The following OTOA variants were observed in gnomAD, a reference collection of about 807,000 sequenced individuals.
The protein encoded by OTOA is cancer/testis antigen 108.
A neutral mutation model predicts 110.8 loss-of-function variants in OTOA; 70 were observed. That is an observed-to-expected ratio of 0.63 (90% CI 0.52 to 0.77). OTOA has a LOEUF of 0.77. Ranked by LOEUF, OTOA falls within the 30% of genes least tolerant of loss-of-function variation. The probability of loss-of-function intolerance (pLI) is 0.00; values close to 1 mark genes in which losing one functional copy is unlikely to be tolerated. For missense variants in OTOA, 917 were observed against 1,075.8 expected (o/e 0.85, Z 2.06); for synonymous variants, 373 against 431.5 (o/e 0.86, Z 1.68).
At position 21,715,044 on chromosome 16, in the gene OTOA, G is replaced by A. The variant is rs1284368198; in HGVS notation, c.1380G>A (p.Gln460=). 1 of 1,614,208 alleles carries A rather than the reference G, an allele frequency of 6.2e-7. No individual in the cohort carries two copies. The highest frequency in any genetic ancestry group is 8.5e-7 in the Non-Finnish European group (1 of 1,180,026). Reference sequence around the variant, plus strand: ...CACTGCTGGCTGGGGTCAGCACCCAGGCCTTCTGCAGCATGAAACGCAAGG... The same window carrying A: ...CACTGCTGGCTGGGGTCAGCACCCAAGCCTTCTGCAGCATGAAACGCAAGG... ...MGALLAGVST[Q]AFCSMKRKDI... Residue 460 remains glutamine (Q), a synonymous_variant, in exon 14 of 29, where the codon CAG becomes CAA. Transcript: ENST00000646100.
Position 21,705,014 on chromosome 16 carries a change from T to G in OTOA, c.981-155T>G, listed in dbSNP as rs550685532. On this transcript the variant is annotated intron_variant, in intron 11 of 28. Transcript: ENST00000646100. ...GTTAGGTTCCGCCTGTGGTTGCACA[T>G]TTGGTTCATCTGAGGATGTTCAGGT... is the stretch of plus-strand genomic sequence containing the variant. The G allele has an allele frequency of 3.2e-6, 4 of 1,230,794 alleles. No homozygotes were observed. In the South Asian group the frequency reaches 4.8e-5, roughly 15 times the overall value. The allele number at this position is 1,230,794 out of a possible 1,614,324, so 76.2% of individuals were successfully genotyped here.
In OTOA at chr16:21,728,261, G is replaced by C. The variant is rs774967818; in HGVS notation, c.2037G>C (p.Glu679Asp). 1 of 1,614,174 alleles carries C rather than the reference G, an allele frequency of 6.2e-7. No individual in the cohort carries two copies. Among genetic ancestry groups the C allele is most frequent in the South Asian group, 1.1e-5 (1 of 91,084 alleles). ...QQCLDDSIADEYTVDIMGNLL... is the reference protein window; with the variant it reads ...QQCLDDSIADDYTVDIMGNLL... ...TTCAGGACGACTCCATTGCTGATGA[G>C]TACACTGTGGACATCATGGGGAACC... Residue 679 changes from glutamate to aspartate, a missense_variant, in exon 20 of 29, where the codon GAG (glutamate) becomes GAC (aspartate). Coordinates refer to ENST00000646100, the MANE Select transcript of OTOA (RefSeq NM_144672.4).
intron 1 of OTOA, among the ~76,000 whole-genome samples, chr16:21,671,995 A>G (rs1966849856): frequency 6.6e-6 from 1 of 152,056 alleles, no homozygotes; most frequent in South Asian, 2.1e-4. Context: ...TCACTCCAAG[A>G]AGTTCCCTTG....
intron 10 of OTOA, among the ~76,000 whole-genome samples, chr16:21,698,535 T>TTTC (rs760427431): frequency 5.5e-4 from 84 of 152,080 alleles, no homozygotes; most frequent in East Asian, 7.7e-4. Flanking sequence ...GCTTCCAATT[T>TTTC]TTCTTCTTCT....
chr16:21,723,234 G>A (rs904769370), intron 18 of OTOA, among the ~76,000 whole-genome samples: 2 of 152,158 alleles, frequency 1.3e-5, no homozygotes, highest in Admixed American at 1.3e-4. Context: ...GTGTCAGTGA[G>A]GCAGGTCCCA....
At chr16:21,674,415 C>T (rs1966853358) in intron 1 of OTOA, among the ~76,000 whole-genome samples, 1 of 151,612 alleles carries the variant, frequency 6.6e-6, no homozygotes, top group Admixed American at 6.6e-5. Context: ...GTCACTGCAA[C>T]CTCCGCCTCC....
chr16:21,738,364 C>T (rs1216312467), intron 22 of OTOA, among the ~76,000 whole-genome samples: 3 of 116,050 alleles, frequency 2.6e-5, no homozygotes, highest in Admixed American at 1.0e-4. Flanking sequence ...GTGGAGGCAT[C>T]GTGTGACATC....
At chr16:21,721,309 C>T (rs1377638624) in intron 17 of OTOA, 2 of 454,548 alleles carry the variant, frequency 4.4e-6, no homozygotes, top group East Asian at 1.4e-4. Flanking sequence ...GTAAAATTTC[C>T]CCAAATTTTC....
intron 11 of OTOA, among the ~76,000 whole-genome samples, chr16:21,703,220 A>G (rs138990363): frequency 6.6e-6 from 1 of 152,186 alleles, no homozygotes; most frequent in East Asian, 1.9e-4. Flanking sequence ...CTATTTTCCT[A>G]TTTAACTGAA....
chr16:21,675,725 T>C (rs897469770), intron 1 of OTOA, among the ~76,000 whole-genome samples: 1 of 152,182 alleles, frequency 6.6e-6, no homozygotes, highest in Non-Finnish European at 1.5e-5. Context: ...GGGGTTTTTT[T>C]CGCACCTACC....
chr16:21,680,926 T>A (rs567937888), intron 5 of OTOA, among the ~76,000 whole-genome samples: 2 of 152,094 alleles, frequency 1.3e-5, no homozygotes, highest in Non-Finnish European at 2.9e-5. Context: ...CTTACGCAAT[T>A]TTCATGTGTG....
intron 22 of OTOA, among the ~76,000 whole-genome samples, chr16:21,737,886 A>G (rs1899381989): frequency 6.6e-6 from 1 of 152,312 alleles, no homozygotes; most frequent in South Asian, 2.1e-4. Flanking sequence ...GCATGAGGAG[A>G]CAAAGTTAAT....
At chr16:21,714,369 C>CTCTT (rs1898469108) in intron 13 of OTOA, among the ~76,000 whole-genome samples, 1 of 117,106 alleles carries the variant, frequency 8.5e-6, no homozygotes, top group African/African-American at 3.0e-5. Context: ...CTCTTTCTTT[C>CTCTT]TCTCTCTTTC....
At chr16:21,705,367 C>T (rs1184494646) in intron 12 of OTOA, 75 bp downstream of exon 12, 2 of 1,608,846 alleles carry the variant, frequency 1.2e-6, no homozygotes, top group African/African-American at 2.7e-5. Context: ...AACAGCCTAG[C>T]TTAGCCTTTG....
At chr16:21,732,158 G>T (rs1177495829) in intron 21 of OTOA, among the ~76,000 whole-genome samples, 1 of 152,030 alleles carries the variant, frequency 6.6e-6, no homozygotes, top group Non-Finnish European at 1.5e-5. Context: ...TAGATATGGG[G>T]CTTCACCATG....
intron 6 of OTOA, among the ~76,000 whole-genome samples, chr16:21,683,647 G>A (rs62044224): frequency 4.6e-5 from 7 of 151,906 alleles, no homozygotes; most frequent in Non-Finnish European, 7.4e-5. Flanking sequence ...TTGAGGTTAC[G>A]GTGAGCTATG....
In OTOA at chr16:21,697,779, C is replaced by G; in HGVS notation, c.744C>G (p.Asp248Glu). 6.2e-7 allele frequency: 1 copy of G among 1,613,910 alleles called. No homozygotes were observed. The highest frequency in any genetic ancestry group is 1.1e-5 in the South Asian group (1 of 91,070). The change falls in exon 10 of 29, where the codon GAC becomes GAG. Residue 248 changes from aspartate to glutamate, a missense_variant. By Grantham distance (45) the Asp-to-Glu change is conservative. This residue lies in a region of OTOA where 840 missense variants were observed against 910.2 expected (regional missense o/e 0.92). Coordinates refer to ENST00000646100, the MANE Select transcript of OTOA (RefSeq NM_144672.4). The part of the protein sequence containing the change: ...ILQTSSNATD[D>E]SASWVSAEHL... ...TCATTTCTTTATTTTTTGTAGATGA[C>G]TCTGCTTCATGGGTCAGTGCGGAAC...
intron 12 of OTOA, among the ~76,000 whole-genome samples, chr16:21,707,657 CTCTT>C (rs1199562192): frequency 1.0e-3 from 95 of 91,516 alleles, no homozygotes; most frequent in African/African-American, 3.4e-3. Context: ...TTCTTTCTTT[CTCTT>C]TCTTTCTCTT....
intron 10 of OTOA, among the ~76,000 whole-genome samples, 187 bp downstream of exon 10, chr16:21,698,062 A>G (rs1733746029): frequency 6.6e-6 from 1 of 152,116 alleles, no homozygotes; most frequent in Non-Finnish European, 1.5e-5. Context: ...CAGTCATGGG[A>G]TTGTTTTAGT....
Sources: gnomAD v4.1 joint callset for allele counts (sites outside exome capture counted in the v4.1 genomes callset) on GRCh38, gnomAD v4.1.1 for gene constraint, gnomAD v4.1.1 regional missense constraint, MANE v1.5 for transcripts, NCBI Gene and HGNC (gene_info 2026-07-23, HGNC 2026-07-21) for gene names.